Variants in CAMK2G observed in about 807,000 individuals in gnomAD.
CAMK2G encodes the protein calcium/calmodulin-dependent protein kinase type II subunit gamma.
CAMK2G carries 23 observed loss-of-function variants against 88.7 expected under a neutral mutation model. The ratio of observed to expected loss-of-function variants is 0.26; its 90% confidence interval spans 0.19 to 0.37. The LOEUF is 0.37. CAMK2G is among the 10% of genes least tolerant of loss of function. The probability of loss-of-function intolerance (pLI) is 1.00; values close to 1 mark genes in which losing one functional copy is unlikely to be tolerated. For synonymous variants in CAMK2G, 263 were observed against 294.8 expected (o/e 0.89, Z 1.11); for missense variants, 476 against 780.8 (o/e 0.61, Z 4.65).
At chr10:73,818,721 A>G (rs2086647682) in intron 19 of CAMK2G, 1 of 455,904 alleles carries the variant, frequency 2.2e-6, no homozygotes, top group East Asian at 7.0e-5. Context: ...TCGGCTTCCA[A>G]AAGCAGCAGG....
Position 73,853,359 on chromosome 10 carries a change from A to G in CAMK2G, c.221-113T>C, listed in dbSNP as rs550991024. 6.6e-6 allele frequency: 6 copies of G among 906,152 alleles called. No individual in the cohort carries two copies. In the Admixed American group the frequency reaches 8.4e-5, roughly 13 times the overall value. 56.1% of individuals were successfully genotyped at this position (906,152 alleles called of 1,614,324 possible). A position where few individuals can be genotyped will look rare whatever the true frequency, so the allele number is the denominator to read the frequency against. ...TCCTGTCGGGCTCACAGGGCTCTCC[A>G]GAAGGAGCAGTGGGGGGAAGTGGCG... On this transcript the variant is annotated intron_variant, in intron 3 of 22. Transcript: ENST00000423381.
intron 14 of CAMK2G, among the ~76,000 whole-genome samples, chr10:73,834,914 A>T (rs945932303): frequency 3.9e-5 from 6 of 152,102 alleles, no homozygotes; most frequent in African/African-American, 1.4e-4. Flanking sequence ...GCTTTATTTC[A>T]GGTCTCATTT....
At chr10:73,849,867 T>TGGCATCCA (rs2094498762) in intron 5 of CAMK2G, among the ~76,000 whole-genome samples, 1 of 152,236 alleles carries the variant, frequency 6.6e-6, no homozygotes, top group African/African-American at 2.4e-5. Flanking sequence ...CCCTGAGGTC[T>TGGCATCCA]GGCATCCAGT....
At position 73,819,631 on chromosome 10, in the gene CAMK2G, T is replaced by C. The variant is rs1296247826; in HGVS notation, c.1264A>G (p.Thr422Ala). The C allele has an allele frequency of 1.3e-6, 2 of 1,542,798 alleles. No individual in the cohort carries two copies. ...DEDLKAAPLR[T>A]GNGSSVPEGR... The stretch of plus-strand genomic sequence containing the variant: ...TCAGGCACCGAGCTGCCATTCCCAG[T>C]GCGGAGCGGGGCAGCTAGCCAGCCA... The change falls in exon 19 of 23, where the codon ACT (threonine) becomes GCT (alanine). Residue 422 changes from threonine (T) to alanine (A), a missense_variant. Transcript: ENST00000423381.
At chr10:73,850,789 G>A (rs892427429) in intron 5 of CAMK2G, among the ~76,000 whole-genome samples, 2 of 150,944 alleles carry the variant, frequency 1.3e-5, no homozygotes, top group African/African-American at 5.0e-5. Flanking sequence ...GCTGAAACTC[G>A]GGCCTCCCCA....
chr10:73,846,320 A>C (rs2094238886), intron 10 of CAMK2G: 2 of 152,146 alleles, frequency 1.3e-5, no homozygotes, highest in Admixed American at 1.3e-4. Context: ...TCACTGTGCT[A>C]AACTCTGTCT....
chr10:73,864,771 T>C (rs1370222121), intron 2 of CAMK2G, among the ~76,000 whole-genome samples: 11 of 152,174 alleles, frequency 7.2e-5, no homozygotes, highest in South Asian at 2.1e-4. Flanking sequence ...GCCTCCCGAG[T>C]AGCTGGGACT....
chr10:73,819,662 G>A lies in CAMK2G; in HGVS notation c.1250-17C>T, dbSNP rs1477036181. 1 of 1,465,916 alleles carries A rather than the reference G, an allele frequency of 6.8e-7. No individual in the cohort carries two copies. Among genetic ancestry groups the A allele is most frequent in the Non-Finnish European group, 9.2e-7 (1 of 1,084,852 alleles). 90.8% of individuals were successfully genotyped at this position (1,465,916 alleles called of 1,614,324 possible). The stretch of plus-strand genomic sequence containing the variant: ...GCGGGGCAGCTAGCCAGCCAGGGCA[G>A]GGCAGGGCAGGGCAAGGCAGAGCAG... On this transcript the variant is annotated splice_polypyrimidine_tract_variant and intron_variant, in intron 18 of 22. Transcript: ENST00000423381.
intron 2 of CAMK2G, among the ~76,000 whole-genome samples, chr10:73,863,493 A>G (rs1463706047): frequency 6.6e-6 from 1 of 152,222 alleles, no homozygotes; most frequent in Non-Finnish European, 1.5e-5. Context: ...CAAGCCAGCC[A>G]GCCCCAAAGC....
rs570356232 is a variant in CAMK2G, at chr10:73,870,944, A to G, written c.160+2045T>C. Among the ~76,000 whole-genome samples the G allele has an allele frequency of 2.6e-5, 4 of 152,234 alleles. No individual in the cohort carries two copies. In the East Asian group the frequency reaches 7.7e-4, roughly 29 times the overall value. ...CCACCTTGTTCCCTCCATCTCCAAGACAGCCCCTTTCCACTTTCCCACCTC... is the reference window on the plus strand; with the variant it reads ...CCACCTTGTTCCCTCCATCTCCAAGGCAGCCCCTTTCCACTTTCCCACCTC... On this transcript the variant is annotated intron_variant, in intron 2 of 22. Coordinates refer to ENST00000423381, the MANE Select transcript of CAMK2G (RefSeq NM_001367534.1).
intron 2 of CAMK2G, among the ~76,000 whole-genome samples, chr10:73,872,714 T>C (rs1308918442): frequency 6.6e-6 from 1 of 152,164 alleles, no homozygotes; most frequent in East Asian, 1.9e-4. Flanking sequence ...ACTACCCCCA[T>C]ATCCTCCACC....
chr10:73,816,418 G>A, intron 21 of CAMK2G: 1 of 1,055,230 alleles, frequency 9.5e-7, no homozygotes, highest in Non-Finnish European at 1.1e-6. Flanking sequence ...TAATCTCAAA[G>A]GGTTTCCTTC....
chr10:73,868,927 C>T (rs553996083), intron 2 of CAMK2G, among the ~76,000 whole-genome samples: 3 of 152,326 alleles, frequency 2.0e-5, no homozygotes, highest in Admixed American at 6.5e-5. Context: ...CCCAGCTTGC[C>T]GCAGCCTCAG....
Position 73,842,569 on chromosome 10 carries a change from C to A in CAMK2G, c.820-28G>T. On this transcript the variant is annotated intron_variant, in intron 10 of 22. Coordinates refer to ENST00000423381, the MANE Select transcript of CAMK2G (RefSeq NM_001367534.1). This position sits in a 1 kb window ranked among gnomAD's most constrained non-coding sequence, Gnocchi z 4.6. ...AGAAACCAAACAGACAGGCTATGAG[C>A]CCCAGCCCAGATCCTCTGCGCCTCC... 6.5e-7 allele frequency: 1 copy of A among 1,548,948 alleles called. No individual in the cohort carries two copies. The highest frequency in any genetic ancestry group is 2.2e-5 in the East Asian group (1 of 44,582).
In CAMK2G at chr10:73,813,191, T is replaced by G. The variant is rs933410782; in HGVS notation, c.*1327A>C. 2.0e-5 allele frequency: 3 copies of G among 152,724 alleles called. No homozygotes were observed. Among genetic ancestry groups the G allele is most frequent in the East Asian group, 3.8e-4 (2 of 5,206 alleles). The allele number at this position is 152,724 out of a possible 1,614,324, so 9.5% of individuals were successfully genotyped here. ...TCTCTTCCTCCTGGAATGGAACTCC[T>G]TGAGCACAGAGAGGGACAATGAAGG... On this transcript the variant is annotated 3_prime_UTR_variant, in exon 23 of 23. Transcript: ENST00000423381.
At chr10:73,845,712 A>G (rs933591133) in intron 10 of CAMK2G, among the ~76,000 whole-genome samples, 1 of 151,932 alleles carries the variant, frequency 6.6e-6, no homozygotes. Flanking sequence ...GCTCCCCCCA[A>G]ATCCAACTGG....
chr10:73,869,913 C>T (rs2135921428), intron 2 of CAMK2G, among the ~76,000 whole-genome samples: 1 of 152,296 alleles, frequency 6.6e-6, no homozygotes. Context: ...ACAGAAGTTT[C>T]TTGTGATGCT....
chr10:73,847,865 T>C (rs567768288), intron 9 of CAMK2G, 123 bp downstream of exon 9: 2 of 610,618 alleles, frequency 3.3e-6, no homozygotes, highest in South Asian at 4.1e-5. Flanking sequence ...TCCTGGGTCC[T>C]CAAAGTCCCC....
chr10:73,863,752 G>C (rs545673315), intron 2 of CAMK2G, among the ~76,000 whole-genome samples: 159 of 152,222 alleles, frequency 1.0e-3, no homozygotes, highest in Non-Finnish European at 1.7e-3. Flanking sequence ...TTTGAGTGGA[G>C]AGAAGATACA....
Sources: gnomAD v4.1 joint callset for allele counts (sites outside exome capture counted in the v4.1 genomes callset) on GRCh38, gnomAD v4.1.1 for gene constraint, Gnocchi (gnomAD v3.1) non-coding constraint, MANE v1.5 for transcripts, NCBI Gene and HGNC (gene_info 2026-07-23, HGNC 2026-07-21) for gene names.